The following TGFBRAP1 variants were observed in gnomAD, a reference collection of about 807,000 sequenced individuals.
The protein encoded by TGFBRAP1 is transforming growth factor-beta receptor-associated protein 1.
Under a neutral mutation model 83.2 loss-of-function variants are expected in TGFBRAP1, and 20 were observed. That is an observed-to-expected ratio of 0.24 (90% confidence interval 0.17 to 0.35). The LOEUF (loss-of-function observed/expected upper bound fraction) is 0.35. Among genes scored for constraint, TGFBRAP1 ranks in the 10% least tolerant of loss-of-function variants. The pLI, the probability that TGFBRAP1 is intolerant of heterozygous loss-of-function variation, is 1.00. For missense variants in TGFBRAP1, 950 were observed against 1,099.4 expected (o/e 0.86, Z 1.92); for synonymous variants, 415 against 459.8 (o/e 0.90, Z 1.25).
chr2:105,310,583 G>A (rs894817170), intron 1 of TGFBRAP1, among the ~76,000 whole-genome samples: 3 of 151,998 alleles, frequency 2.0e-5, no homozygotes, highest in Non-Finnish European at 1.5e-5. Flanking sequence ...CATCTACCTC[G>A]GGGCTGTGGG....
intron 4 of TGFBRAP1, 132 bp downstream of exon 4, chr2:105,296,224 A>T (rs1678084171): frequency 8.6e-7 from 1 of 1,160,198 alleles, no homozygotes; most frequent in Non-Finnish European, 1.2e-6. Context: ...TTTGTTGAGA[A>T]AATTAAACAA....
chr2:105,251,096 C>A, the TGFBRAP1 span, among the ~76,000 whole-genome samples: 1 of 152,104 alleles, frequency 6.6e-6, no homozygotes, highest in Non-Finnish European at 1.5e-5. Context: ...AAGTGAGGAG[C>A]ATCTCTGCCC....
intron 1 of TGFBRAP1, among the ~76,000 whole-genome samples, chr2:105,321,064 G>A (rs1679044594): frequency 6.6e-6 from 1 of 152,192 alleles, no homozygotes; most frequent in Admixed American, 6.6e-5. Flanking sequence ...CCTCTGACTG[G>A]CTGATGGCAG....
chr2:105,316,462 T>TGTGTGTGTGCGCGCGCGCGC (rs1177329674), intron 1 of TGFBRAP1, among the ~76,000 whole-genome samples: 4 of 84,814 alleles, frequency 4.7e-5, no homozygotes, highest in African/African-American at 1.6e-4. Flanking sequence ...TGTGTGTGTG[T>TGTGTGTGTGCGCGCGCGCGC]GCGCGCGCGC....
intron 5 of TGFBRAP1, among the ~76,000 whole-genome samples, chr2:105,281,027 G>A (rs2104337126): frequency 6.6e-6 from 1 of 152,310 alleles, no homozygotes; most frequent in South Asian, 2.1e-4. Context: ...GCTGAGCCTG[G>A]AAACCAAGGC....
intron 8 of TGFBRAP1, 88 bp downstream of exon 8, chr2:105,275,468 GCTTT>G (rs1425757872): frequency 4.6e-6 from 7 of 1,521,912 alleles, no homozygotes; most frequent in Non-Finnish European, 5.3e-6. Flanking sequence ...TTGAAATGTA[GCTTT>G]CTTTTCCCCT....
chr2:105,298,204 T>C (rs1189831413), intron 3 of TGFBRAP1, among the ~76,000 whole-genome samples: 2 of 152,164 alleles, frequency 1.3e-5, no homozygotes, highest in Non-Finnish European at 2.9e-5. Flanking sequence ...CTATGCATCC[T>C]TAAAGGTTTG....
intron 11 of TGFBRAP1, 117 bp from the exon 12 acceptor site, chr2:105,267,676 G>A: frequency 6.7e-7 from 1 of 1,495,278 alleles, no homozygotes; most frequent in Non-Finnish European, 8.9e-7. Flanking sequence ...TTATGATGAG[G>A]ATTTCTTTAA....
intron 4 of TGFBRAP1, among the ~76,000 whole-genome samples, chr2:105,288,262 C>T (rs548823723): frequency 2.6e-5 from 4 of 152,296 alleles, no homozygotes; most frequent in African/African-American, 4.8e-5. Context: ...AACAGGCACA[C>T]GGGGACGACA....
At chr2:105,308,763 TAA>T (rs5833131) in intron 1 of TGFBRAP1, among the ~76,000 whole-genome samples, 35 of 147,324 alleles carry the variant, frequency 2.4e-4, no homozygotes, top group African/African-American at 7.7e-4. Flanking sequence ...AGACCCCATT[TAA>T]AAAAAAAAAC....
At chr2:105,291,756 C>T (rs567609894) in intron 4 of TGFBRAP1, among the ~76,000 whole-genome samples, 10 of 152,224 alleles carry the variant, frequency 6.6e-5, no homozygotes, top group African/African-American at 2.4e-4. Flanking sequence ...TGGGGATTGC[C>T]TGGGCCGGGT....
chr2:105,278,068 ATGTGTGTGTG>A lies in TGFBRAP1; in HGVS notation c.1464-407_1464-398del, dbSNP rs56983977. Among the ~76,000 whole-genome samples the A allele has an allele frequency of 6.2e-3, 907 of 145,468 alleles. 10 individuals are homozygous for A. Among genetic ancestry groups the A allele is most frequent in the African/African-American group, 0.015 (599 of 38,830 alleles). On this transcript the variant is annotated intron_variant, in intron 6 of 11. Transcript: ENST00000393359. ...AGTGAGACCCTGTCTCAAAAAATATATGTGTGTGTGTGTGTGTGTGTGTGTGTGTGTGTGT... is the reference window on the plus strand; with the variant it reads ...AGTGAGACCCTGTCTCAAAAAATATATGTGTGTGTGTGTGTGTGTGTGTGT...
Position 105,267,228 on chromosome 2 carries a change from C to G in TGFBRAP1, c.*155G>C. Reference sequence around the variant, plus strand: ...TACATTCATAGAGCCTGGTCAGCAGCGAGGAGTCCTTGTTGCGTATGGACG... The same window carrying G: ...TACATTCATAGAGCCTGGTCAGCAGGGAGGAGTCCTTGTTGCGTATGGACG... On this transcript the variant is annotated 3_prime_UTR_variant, in exon 12 of 12. Coordinates refer to ENST00000393359, the MANE Select transcript of TGFBRAP1 (RefSeq NM_004257.6). The G allele has an allele frequency of 1.2e-6, 1 of 819,170 alleles. No individual in the cohort carries two copies. Among genetic ancestry groups the G allele is most frequent in the Non-Finnish European group, 1.9e-6 (1 of 540,534 alleles). 50.7% of individuals were successfully genotyped at this position (819,170 alleles called of 1,614,324 possible). A position where few individuals can be genotyped will look rare whatever the true frequency, so the allele number is the denominator to read the frequency against.
chr2:105,328,760 T>G (rs1679290094), intron 1 of TGFBRAP1, among the ~76,000 whole-genome samples: 1 of 152,260 alleles, frequency 6.6e-6, no homozygotes, highest in Non-Finnish European at 1.5e-5. Context: ...CAGCTGCGCG[T>G]GCAGTCCACG....
At chr2:105,258,730 T>TACACACACAC in the TGFBRAP1 span, among the ~76,000 whole-genome samples, 94 of 140,614 alleles carry the variant, frequency 6.7e-4, no homozygotes, top group East Asian at 8.6e-3. Context: ...TCCCCACCCC[T>TACACACACAC]ACACACACAC....
chr2:105,252,877 C>T, the TGFBRAP1 span, among the ~76,000 whole-genome samples: 3 of 151,126 alleles, frequency 2.0e-5, no homozygotes, highest in East Asian at 2.0e-4. Context: ...CTCAGCCTCC[C>T]GAGTAGCTGG....
chr2:105,272,284 C>A (rs1677181429), intron 10 of TGFBRAP1, among the ~76,000 whole-genome samples: 1 of 152,200 alleles, frequency 6.6e-6, no homozygotes, highest in Admixed American at 6.5e-5. Context: ...ACCTGCATAA[C>A]CTTCTTGCTT....
downstream of TGFBRAP1, among the ~76,000 whole-genome samples, chr2:105,260,411 T>A (rs1367690672): frequency 6.6e-6 from 1 of 152,124 alleles, no homozygotes; most frequent in Non-Finnish European, 1.5e-5. Flanking sequence ...TCTGTCTCCA[T>A]AAAAAAGGAA....
At chr2:105,272,638 G>C (rs1393879565) in intron 10 of TGFBRAP1, among the ~76,000 whole-genome samples, 1 of 152,196 alleles carries the variant, frequency 6.6e-6, no homozygotes, top group African/African-American at 2.4e-5. Context: ...TTAGGAGGCA[G>C]AAGCAGGAAG....
Sources: allele counts gnomAD v4.1 joint callset (sites outside exome capture counted in the v4.1 genomes callset), GRCh38; gene constraint gnomAD v4.1.1; transcripts MANE v1.5; gene names NCBI Gene and HGNC (gene_info 2026-07-23, HGNC 2026-07-21).